The following MPPED2 variants were observed in gnomAD, a reference collection of about 807,000 sequenced individuals.
MPPED2 encodes metallophosphoesterase MPPED2.
A neutral mutation model predicts 33.0 loss-of-function variants in MPPED2; 5 were observed. The ratio of observed to expected loss-of-function variants is 0.15; its 90% CI spans 0.08 to 0.32. The LOEUF (loss-of-function observed/expected upper bound fraction) is 0.32, where lower values mean the gene tolerates loss of function less well. MPPED2 is among the 10% of genes least tolerant of loss of function. The pLI is 1.00. For missense variants in MPPED2, 275 were observed against 372.1 expected, an observed-to-expected ratio of 0.74 and a Z score of 2.15; for synonymous variants, 136 against 141.9, an observed-to-expected ratio of 0.96 and a Z score of 0.29.
intron 4 of MPPED2, among the ~76,000 whole-genome samples, chr11:30,459,668 C>G (rs540524540): frequency 6.6e-6 from 1 of 152,216 alleles, no homozygotes; most frequent in South Asian, 2.1e-4. Context: ...CATATTATTC[C>G]AAGAAGTAGA....
At chr11:30,406,736 G>A (rs1251683298), downstream of MPPED2, among the ~76,000 whole-genome samples, 3 of 152,168 alleles carry the variant, frequency 2.0e-5, no homozygotes, top group East Asian at 1.9e-4. Flanking sequence ...GGGGCCTTCC[G>A]TGAAACCACA....
rs80292943 is a variant in MPPED2 at position 30,402,891 on chromosome 11, T to C, written c.766+11337A>G. Among the ~76,000 whole-genome samples, 1,288 of 152,310 alleles carry C rather than the reference T, an allele frequency of 8.5e-3. 24 individuals carry two copies. The highest frequency in any genetic ancestry group is 0.027 in the African/African-American group (1,142 of 41,572). ...ATTCATAAGATGTGAAACCAACATA[T>C]TGCTTCCACTGCAGCTTACGATTAG... On this transcript the variant is annotated intron_variant, in intron 6 of 6. Coordinates refer to the MPPED2 transcript ENST00000448418.
At chr11:30,458,815 T>A (rs1950389836) in intron 4 of MPPED2, among the ~76,000 whole-genome samples, 1 of 151,992 alleles carries the variant, frequency 6.6e-6, no homozygotes, top group African/African-American at 2.4e-5. Flanking sequence ...AGGAACCATG[T>A]GTTCTAAAGC....
chr11:30,434,655 T>C (rs1212787416), intron 4 of MPPED2, among the ~76,000 whole-genome samples: 2 of 152,188 alleles, frequency 1.3e-5, no homozygotes, highest in Non-Finnish European at 2.9e-5. Flanking sequence ...ACAGTCTAAC[T>C]CCAATAATAA....
chr11:30,507,235 C>G (rs1952879857), intron 3 of MPPED2, among the ~76,000 whole-genome samples: 1 of 152,184 alleles, frequency 6.6e-6, no homozygotes, highest in Non-Finnish European at 1.5e-5. Flanking sequence ...AAACAAACTC[C>G]ATTTTCTTCC....
chr11:30,552,870 T>G (rs547751992), intron 2 of MPPED2, among the ~76,000 whole-genome samples: 1 of 152,264 alleles, frequency 6.6e-6, no homozygotes, highest in Admixed American at 6.5e-5. Flanking sequence ...GGTACATCAC[T>G]TTTCACGATA....
intron 2 of MPPED2, among the ~76,000 whole-genome samples, chr11:30,561,253 T>G (rs1029904656): frequency 2.0e-5 from 3 of 152,186 alleles, no homozygotes; most frequent in Non-Finnish European, 4.4e-5. Context: ...ACAATGTGTA[T>G]TTTATGAACT....
chr11:30,536,933 A>G (rs1303519415), intron 2 of MPPED2, among the ~76,000 whole-genome samples: 1 of 152,182 alleles, frequency 6.6e-6, no homozygotes, highest in Non-Finnish European at 1.5e-5. Context: ...ACAAATATTA[A>G]GCCTTTTAAT....
At chr11:30,573,757 G>C (rs1956804796) in intron 2 of MPPED2, among the ~76,000 whole-genome samples, 1 of 152,112 alleles carries the variant, frequency 6.6e-6, no homozygotes, top group African/African-American at 2.4e-5. Flanking sequence ...TGAGATTTTA[G>C]TGCACCCATC....
At chr11:30,464,194 T>C (rs1340976552) in intron 4 of MPPED2, among the ~76,000 whole-genome samples, 1 of 151,688 alleles carries the variant, frequency 6.6e-6, no homozygotes. Flanking sequence ...TTGGATCTCA[T>C]GGACTAGTAA....
chr11:30,537,586 A>T (rs2134499049), intron 2 of MPPED2, among the ~76,000 whole-genome samples: 1 of 152,288 alleles, frequency 6.6e-6, no homozygotes, highest in African/African-American at 2.4e-5. Context: ...GGATAGTCCC[A>T]CATTTCTTCA....
intron 4 of MPPED2, among the ~76,000 whole-genome samples, chr11:30,455,023 T>C (rs1054274544): frequency 6.6e-6 from 1 of 152,238 alleles, no homozygotes; most frequent in African/African-American, 2.4e-5. Context: ...TAGCCTCTGA[T>C]TTAATTCCAC....
chr11:30,448,172 A>AG (rs1949897072), intron 4 of MPPED2, among the ~76,000 whole-genome samples: 1 of 152,174 alleles, frequency 6.6e-6, no homozygotes, highest in South Asian at 2.1e-4. Flanking sequence ...TTTTCCTAAG[A>AG]GGGGAAAGGG....
At chr11:30,405,827 C>G (rs1211387858), downstream of MPPED2, among the ~76,000 whole-genome samples, 2 of 152,056 alleles carry the variant, frequency 1.3e-5, no homozygotes, top group Admixed American at 1.3e-4. Flanking sequence ...CACCCAGGGT[C>G]CTGTCGATAT....
At chr11:30,459,764 G>T (rs1264197788) in intron 4 of MPPED2, among the ~76,000 whole-genome samples, 1 of 152,196 alleles carries the variant, frequency 6.6e-6, no homozygotes, top group Non-Finnish European at 1.5e-5. Context: ...TGGTCAGGTT[G>T]GGTAACATAC....
At chr11:30,459,326 TAAAG>T (rs1452820001) in intron 4 of MPPED2, among the ~76,000 whole-genome samples, 2 of 152,184 alleles carry the variant, frequency 1.3e-5, no homozygotes, top group African/African-American at 2.4e-5. Context: ...AGCACATTCA[TAAAG>T]AAATCCATTT....
At chr11:30,506,506 ATGTT>A (rs1333307887) in intron 3 of MPPED2, among the ~76,000 whole-genome samples, 1 of 152,198 alleles carries the variant, frequency 6.6e-6, no homozygotes, top group Non-Finnish European at 1.5e-5. Context: ...GAAGAATGAT[ATGTT>A]TATTTTTCCC....
chr11:30,389,038 G>A (rs898283533), intron 6 of MPPED2: 129 of 1,460,852 alleles, frequency 8.8e-5, no homozygotes, highest in Admixed American at 2.6e-4. Context: ...CTCTCTGATG[G>A]TGTCTTGATT....
At chr11:30,473,783 C>T (rs1385116078) in intron 4 of MPPED2, among the ~76,000 whole-genome samples, 1 of 152,166 alleles carries the variant, frequency 6.6e-6, no homozygotes, top group Admixed American at 6.5e-5. Context: ...GTGGAGAGGT[C>T]CATATGGCAA....
Sources: allele counts gnomAD v4.1 joint callset (sites outside exome capture counted in the v4.1 genomes callset), GRCh38; gene constraint gnomAD v4.1.1; transcripts MANE v1.5; gene names NCBI Gene and HGNC (gene_info 2026-07-23, HGNC 2026-07-21).